CAPRIN2: variants seen among roughly 807,000 people sequenced by gnomAD.
The protein encoded by CAPRIN2 is caprin-2.
Under a neutral mutation model 130.4 loss-of-function variants are expected in CAPRIN2, and 66 were observed. The observed-to-expected ratio is 0.51, with a 90% confidence interval of 0.42 to 0.62. The LOEUF is 0.62. Among genes scored for constraint, CAPRIN2 ranks in the 20% least tolerant of loss-of-function variants. CAPRIN2 has a pLI of 0.00. For missense variants in CAPRIN2, 1,185 were observed against 1,246.6 expected, an observed-to-expected ratio of 0.95 and a Z score of 0.74; for synonymous variants, 471 against 444.1, an observed-to-expected ratio of 1.06 and a Z score of -0.76.
intron 12 of CAPRIN2, 95 bp from the exon 14 acceptor site, chr12:30,719,320 T>C: frequency 7.1e-7 from 1 of 1,399,468 alleles, no homozygotes; most frequent in Non-Finnish European, 9.9e-7. Flanking sequence ...CAGCAAGTTC[T>C]TTAGGATGAC....
At chr12:30,722,763 T>C (rs774568914) in intron 11 of CAPRIN2, among the ~76,000 whole-genome samples, 1 of 151,930 alleles carries the variant, frequency 6.6e-6, no homozygotes, top group Non-Finnish European at 1.5e-5. Flanking sequence ...TAGGCAGGTG[T>C]GGTGGCAGGC....
At chr12:30,723,364 C>A in intron 10 of CAPRIN2, 50 bp from the exon 12 acceptor site, 2 of 1,257,852 alleles carry the variant, frequency 1.6e-6, no homozygotes, top group South Asian at 1.3e-5. Context: ...CAAAAGCTTA[C>A]GCATATCAAC....
Position 30,742,495 on chromosome 12 carries a change from C to CA in CAPRIN2, c.484-1390dup, listed in dbSNP as rs752424616. Among the ~76,000 whole-genome samples, 392 of 150,052 alleles carry CA rather than the reference C, an allele frequency of 2.6e-3. 1 individual carries two copies. The highest frequency in any genetic ancestry group is 0.014 in the Middle Eastern group (4 of 288). On this transcript the variant is annotated intron_variant, in intron 2 of 16. Transcript: ENST00000298892. Reference sequence around the variant, plus strand: ...TCCTCAAAGTAAAATTCTTCAGTGACAAAAAAAAACCCCAAAACTTCAAGC... The same window carrying CA: ...TCCTCAAAGTAAAATTCTTCAGTGACAAAAAAAAAACCCCAAAACTTCAAGC...
At chr12:30,750,997 T>C in intron 2 of CAPRIN2, 74 bp downstream of exon 3, 3 of 1,048,718 alleles carry the variant, frequency 2.9e-6, no homozygotes, top group Non-Finnish European at 4.5e-6. Flanking sequence ...TAAAGACTGA[T>C]CGCACTAAAT....
At chr12:30,729,270 T>C (rs1239996617) in exon 8 of CAPRIN2, 2 of 1,601,956 alleles carry the variant, frequency 1.2e-6, no homozygotes, top group African/African-American at 1.4e-5. Context: ...CCAAGGTTGC[T>C]CTTCGCCTTG....
intron 16 of CAPRIN2, among the ~76,000 whole-genome samples, chr12:30,711,295 C>T (rs374990192): frequency 3.5e-4 from 53 of 152,296 alleles, no homozygotes; most frequent in African/African-American, 1.3e-3. Context: ...TCGAAATCAG[C>T]ATAGTGAATA....
intron 15 of CAPRIN2, among the ~76,000 whole-genome samples, chr12:30,712,539 T>C (rs1294976571): frequency 6.6e-6 from 1 of 152,208 alleles, no homozygotes; most frequent in Non-Finnish European, 1.5e-5. Context: ...TCTGTAGTGC[T>C]AAGCACTTAG....
chr12:30,740,918 GAAT>G (rs1323476617), intron 3 of CAPRIN2, 99 bp downstream of exon 4: 23 of 677,648 alleles, frequency 3.4e-5, no homozygotes, highest in Middle Eastern at 2.5e-4. Context: ...GAAATTAGAA[GAAT>G]AATAACCAAA....
At chr12:30,734,842 C>T (rs1177101004) in intron 4 of CAPRIN2, 126 bp downstream of exon 5, 4 of 679,896 alleles carry the variant, frequency 5.9e-6, no homozygotes, top group Non-Finnish European at 1.0e-5. Flanking sequence ...TCTCTCTCCC[C>T]CTCTCTAACA....
chr12:30,724,810 C>T (rs887925024), intron 9 of CAPRIN2, among the ~76,000 whole-genome samples: 3 of 151,898 alleles, frequency 2.0e-5, no homozygotes, highest in Non-Finnish European at 4.4e-5. Context: ...GGAAAAAAAG[C>T]GAGACCTTGT....
intron 12 of CAPRIN2, among the ~76,000 whole-genome samples, chr12:30,717,049 T>C (rs868521406): frequency 1.3e-5 from 2 of 152,188 alleles, no homozygotes; most frequent in Admixed American, 1.3e-4. Context: ...TCAAAAAGTA[T>C]AGAATTAACA....
At chr12:30,737,655 T>C (rs1421645051) in intron 3 of CAPRIN2, among the ~76,000 whole-genome samples, 1 of 149,138 alleles carries the variant, frequency 6.7e-6, no homozygotes, top group African/African-American at 2.5e-5. Context: ...TGGAGTGCAG[T>C]GGCACGATCT....
At chr12:30,738,763 A>G (rs2065990737) in intron 3 of CAPRIN2, among the ~76,000 whole-genome samples, 1 of 152,252 alleles carries the variant, frequency 6.6e-6, no homozygotes, top group Non-Finnish European at 1.5e-5. Context: ...GACACTTTTC[A>G]AAAGAAGACA....
exon 8 of CAPRIN2, chr12:30,729,025 G>A: frequency 6.2e-7 from 1 of 1,614,114 alleles, no homozygotes; most frequent in Non-Finnish European, 8.5e-7. Flanking sequence ...CACTGGCTAG[G>A]AGATGGCTTG....
At chr12:30,729,862 T>C (rs547721490) in intron 7 of CAPRIN2, among the ~76,000 whole-genome samples, 1 of 152,290 alleles carries the variant, frequency 6.6e-6, no homozygotes, top group Admixed American at 6.5e-5. Context: ...AATACCCTTT[T>C]CTGCTACCAA....
chr12:30,727,836 C>G (rs1425043648), intron 8 of CAPRIN2, among the ~76,000 whole-genome samples: 2 of 152,132 alleles, frequency 1.3e-5, no homozygotes, highest in African/African-American at 2.4e-5. Flanking sequence ...ATCCTTCCCC[C>G]AATACTGAAA....
intron 2 of CAPRIN2, among the ~76,000 whole-genome samples, chr12:30,748,556 T>G (rs183029665): frequency 2.0e-5 from 3 of 152,362 alleles, no homozygotes; most frequent in Admixed American, 2.0e-4. Flanking sequence ...ACCAAAAATT[T>G]GTGTGACTTG....
chr12:30,722,792 C>T (rs1282571778), intron 11 of CAPRIN2, among the ~76,000 whole-genome samples: 1 of 151,936 alleles, frequency 6.6e-6, no homozygotes, highest in African/African-American at 2.4e-5. Flanking sequence ...CCCAGCTACT[C>T]GGGAGGCTGA....
chr12:30,746,511 A>C (rs1320329131), intron 2 of CAPRIN2, among the ~76,000 whole-genome samples: 6 of 152,248 alleles, frequency 3.9e-5, no homozygotes. Context: ...ATTCATAGAA[A>C]GTAAAAAATG....
Sources: allele counts gnomAD v4.1 joint callset (sites outside exome capture counted in the v4.1 genomes callset), GRCh38; gene constraint gnomAD v4.1.1; transcripts MANE v1.5; gene names NCBI Gene and HGNC (gene_info 2026-07-23, HGNC 2026-07-21).